MYH7B: variants seen among roughly 807,000 people sequenced by gnomAD.
MYH7B encodes myosin heavy chain 7B.
MYH7B carries 205 observed loss-of-function variants against 234.5 expected under a neutral mutation model. The observed-to-expected ratio is 0.87, with a 90% CI of 0.78 to 0.98. The LOEUF (loss-of-function observed/expected upper bound fraction) is 0.98. MYH7B is among the 50% of genes least tolerant of loss of function. MYH7B has a pLI of 0.00. For synonymous variants in MYH7B, 1,193 were observed against 1,105.0 expected, an observed-to-expected ratio of 1.08 and a Z score of -1.58; for missense variants, 2,652 against 2,633.4, an observed-to-expected ratio of 1.01 and a Z score of -0.15.
chr20:34,980,134 A>G (rs1373739351), intron 7 of MYH7B: 6 of 409,822 alleles, frequency 1.5e-5, no homozygotes, highest in South Asian at 6.2e-5. Context: ...GGGTGAGGCC[A>G]GGACGGCCAC....
At position 34,984,113 on chromosome 20, in the gene MYH7B, G is replaced by C. The variant is rs575693840; in HGVS notation, c.625-579G>C. 9.8e-5 allele frequency among the ~76,000 whole-genome samples: 15 copies of C among 152,354 alleles called. No individual in the cohort carries two copies. In the South Asian group the frequency reaches 3.1e-3, roughly 32 times the overall value. On this transcript the variant is annotated intron_variant, in intron 10 of 44. Coordinates refer to ENST00000262873, the Ensembl canonical transcript of MYH7B. ...TGAGCAGATCCACTCCCTGCCCAGA[G>C]CTAAGTCTCCTCATTTGCAAATTAG...
chr20:34,960,570 A>C (rs1352699647), intron 2 of MYH7B, among the ~76,000 whole-genome samples: 1 of 152,232 alleles, frequency 6.6e-6, no homozygotes, highest in Non-Finnish European at 1.5e-5. Context: ...CATCTCTGTC[A>C]GCCCCAGGGT....
At chr20:35,001,396 C>A in intron 42 of MYH7B, 35 bp from the exon 43 acceptor site, 1 of 1,593,238 alleles carries the variant, frequency 6.3e-7, no homozygotes, top group Non-Finnish European at 8.5e-7. Flanking sequence ...GCTGGCCCAG[C>A]CCAAGCAAGC....
Position 34,980,212 on chromosome 20 carries a change from G to T in MYH7B, c.343-366G>T. The T allele has an allele frequency of 9.3e-6, 3 of 323,030 alleles. No individual in the cohort carries two copies. In the South Asian group the frequency reaches 1.3e-4, roughly 14 times the overall value. 20.0% of individuals were successfully genotyped at this position (323,030 alleles called of 1,614,324 possible). A position where few individuals can be genotyped will look rare whatever the true frequency, so the allele number is the denominator to read the frequency against. ...TCGCAGGGTTCTTCTGAAGACTGGGGCCTGGGGCCTGGGGATGGGAACTTG... is the reference window on the plus strand; with the variant it reads ...TCGCAGGGTTCTTCTGAAGACTGGGTCCTGGGGCCTGGGGATGGGAACTTG... On this transcript the variant is annotated intron_variant, in intron 7 of 44. Transcript: ENST00000262873.
In MYH7B at chr20:35,000,984, A is replaced by T. The variant is rs752622190; in HGVS notation, c.5305-4A>T. On this transcript the variant is annotated splice_region_variant and splice_polypyrimidine_tract_variant and intron_variant, in intron 40 of 44. Transcript: ENST00000262873. ...GCACCTGACCAGCTCCTCCTCCCCA[A>T]CAGGCGGCCATGATGGCCGAGGAGC... 1.2e-6 allele frequency: 2 copies of T among 1,613,698 alleles called. No homozygotes were observed. The highest frequency in any genetic ancestry group is 2.2e-5 in the South Asian group (2 of 91,066).
chr20:34,958,322 G>C (rs1485472507), intron 2 of MYH7B, among the ~76,000 whole-genome samples, 110 bp downstream of exon 2: 1 of 152,194 alleles, frequency 6.6e-6, no homozygotes, highest in African/African-American at 2.4e-5. Flanking sequence ...AAGGACTCTT[G>C]ACTAAGAATC....
At chr20:34,993,418 C>G (rs368945461) in exon 26 of MYH7B, 1 of 1,611,872 alleles carries the variant, frequency 6.2e-7, no homozygotes, top group Non-Finnish European at 8.5e-7. Flanking sequence ...GCTGCAGGCG[C>G]GGAGCCGTGG....
intron 2 of MYH7B, among the ~76,000 whole-genome samples, chr20:34,965,043 A>G (rs1006154958): frequency 1.3e-5 from 2 of 152,158 alleles, no homozygotes; most frequent in African/African-American, 2.4e-5. Flanking sequence ...GACAGGTACT[A>G]TTAGTATTCC....
chr20:34,983,612 G>T (rs891529341), intron 10 of MYH7B, among the ~76,000 whole-genome samples: 3 of 152,136 alleles, frequency 2.0e-5, no homozygotes, highest in African/African-American at 7.2e-5. Flanking sequence ...GTCGGGCAAG[G>T]GAGGGGTGGG....
chr20:34,998,413 C>T lies in MYH7B; in HGVS notation c.3866C>T (p.Thr1289Met), dbSNP rs140558245. 129 of 1,613,292 alleles carry T rather than the reference C, an allele frequency of 8.0e-5. 2 individuals carry two copies. Among genetic ancestry groups the T allele is most frequent in the East Asian group, 4.9e-4 (22 of 44,864 alleles). The change falls in exon 33 of 45, where the codon ACG becomes ATG. Residue 1289 changes from threonine to methionine, a missense_variant. Thr to Met is a moderately conservative substitution (Grantham distance 81, BLOSUM62 -1). This residue lies in a region of MYH7B where 2,279 missense variants were observed against 2,211.4 expected (regional missense o/e 1.03). Coordinates refer to ENST00000262873, the Ensembl canonical transcript of MYH7B. ...AGCACGCAGCGTGGGCGACTACAGA[C>T]GGAAAGCGGTGAGGCTGGGGCTCAG...
Position 35,000,523 on chromosome 20 carries a change from C to G in MYH7B, c.5012C>G (p.Ala1671Gly), listed in dbSNP as rs903944509. 1.3e-6 allele frequency: 2 copies of G among 1,593,436 alleles called. No individual in the cohort carries two copies. Among genetic ancestry groups the G allele is most frequent in the Admixed American group, 1.7e-5 (1 of 58,766 alleles). ...GGGCGGGACGAGGAGCAGCGGCTGG[C>G]AGCTGAGCTCCACGAGCAGGCGCAG... Residue 1671 changes from alanine (A) to glycine (G), a missense_variant, in exon 39 of 45, where the codon GCA becomes GGA. Around this residue, in one of 3 missense-constraint regions of MYH7B, gnomAD observed 2,279 missense variants for 2,211.4 expected, o/e 1.03. Transcript: ENST00000262873.
intron 2 of MYH7B, among the ~76,000 whole-genome samples, chr20:34,969,359 TACAAGGGAAAAAAAATC>T (rs1191320925): frequency 6.6e-6 from 1 of 152,072 alleles, no homozygotes; most frequent in Non-Finnish European, 1.5e-5. Context: ...TCAAAGGGTT[TACAAGGGAAAAAAAATC>T]ACTCTGCCTC....
chr20:34,961,782 A>G (rs1421451759), intron 2 of MYH7B, among the ~76,000 whole-genome samples: 1 of 152,234 alleles, frequency 6.6e-6, no homozygotes, highest in Non-Finnish European at 1.5e-5. Context: ...TTCACTTAGC[A>G]TAATGTTTGC....
At chr20:34,987,217 C>T (rs1292400687) in exon 16 of MYH7B, 3 of 1,612,434 alleles carry the variant, frequency 1.9e-6, no homozygotes, top group Non-Finnish European at 2.5e-6. Context: ...TGGGCGCCCT[C>T]CTGCACTTTG....
At chr20:34,976,095 T>C (rs1332795462) in intron 3 of MYH7B, among the ~76,000 whole-genome samples, 1 of 152,128 alleles carries the variant, frequency 6.6e-6, no homozygotes, top group African/African-American at 2.4e-5. Flanking sequence ...TTGATTTGTT[T>C]TGCAAAGTGC....
At chr20:34,988,137 T>C (rs760120123) in exon 19 of MYH7B, 4 of 1,613,956 alleles carry the variant, frequency 2.5e-6, no homozygotes, top group Middle Eastern at 1.6e-4. Context: ...CAATGAGAAA[T>C]TGCAGCAGTT....
chr20:34,995,411 G>A lies in MYH7B; in HGVS notation c.2776G>A (p.Val926Met), dbSNP rs201039299. ...GTCCAAGGTGCAGCTGGAGGGGAAG[G>A]TGAAGGAGCTGAGTGAGCGGCTGGA... The change falls in exon 28 of 45, where the codon GTG (valine) becomes ATG (methionine). Residue 926 changes from valine (V) to methionine (M), a missense_variant. Around this residue, in one of 3 missense-constraint regions of MYH7B, gnomAD observed 2,279 missense variants for 2,211.4 expected, o/e 1.03. Transcript: ENST00000262873. 10 of 1,614,010 alleles carry A rather than the reference G, an allele frequency of 6.2e-6. No individual in the cohort carries two copies. In the South Asian group the frequency reaches 9.9e-5, roughly 16 times the overall value.
intron 3 of MYH7B, among the ~76,000 whole-genome samples, chr20:34,975,747 G>C (rs577343427): frequency 3.3e-5 from 5 of 152,126 alleles, no homozygotes; most frequent in African/African-American, 1.2e-4. Context: ...ACGGAGTCTC[G>C]TACTGTCGCC....
intron 32 of MYH7B, among the ~76,000 whole-genome samples, chr20:34,997,934 T>C (rs2082294957): frequency 6.6e-6 from 1 of 152,096 alleles, no homozygotes; most frequent in Non-Finnish European, 1.5e-5. Context: ...AACTCTGACT[T>C]AATACCTGTC....
Sources: allele counts gnomAD v4.1 joint callset (sites outside exome capture counted in the v4.1 genomes callset), GRCh38; gene constraint gnomAD v4.1.1; regional missense constraint gnomAD v4.1.1; transcripts MANE v1.5; gene names NCBI Gene and HGNC (gene_info 2026-07-23, HGNC 2026-07-21).